The following ANO1 variants were observed in gnomAD, a reference collection of about 807,000 sequenced individuals.
ANO1 encodes the protein anoctamin 1.
ANO1 carries 59 observed loss-of-function variants against 124.0 expected under a neutral mutation model. The observed-to-expected ratio is 0.48, with a 90% CI of 0.39 to 0.59. The LOEUF (loss-of-function observed/expected upper bound fraction) is 0.59. ANO1 is among the 20% of genes least tolerant of loss of function. ANO1 has a pLI of 0.00. For missense variants in ANO1, 1,059 were observed against 1,328.0 expected (o/e 0.80, Z 3.15); for synonymous variants, 529 against 532.0 (o/e 0.99, Z 0.08).
At chr11:69,973,796 C>A in the ANO1 span, among the ~76,000 whole-genome samples, 1 of 150,462 alleles carries the variant, frequency 6.6e-6, no homozygotes, top group African/African-American at 2.4e-5. Context: ...GGCTTGAACC[C>A]GGGAGGTGGA....
At chr11:70,142,980 T>C (rs1002979679) in intron 11 of ANO1, among the ~76,000 whole-genome samples, 1 of 152,126 alleles carries the variant, frequency 6.6e-6, no homozygotes, top group African/African-American at 2.4e-5. Flanking sequence ...GGGTCAGGGC[T>C]TCCATGTGAA....
upstream of ANO1, chr11:70,075,089 C>T (rs1465096977): frequency 6.6e-6 from 1 of 152,208 alleles, no homozygotes; most frequent in Non-Finnish European, 1.5e-5. Context: ...TCTTGGTAAC[C>T]AGTCCCTGTG....
chr11:70,008,663 G>A lies in ANO1; in HGVS notation c.58+22497G>A, dbSNP rs782008809. 4.7e-5 allele frequency among the ~76,000 whole-genome samples: 7 copies of A among 149,932 alleles called. No individual in the cohort carries two copies. In the East Asian group the frequency reaches 5.8e-4, roughly 13 times the overall value. ...TTTAGCTCTTTTTTTTTTTTAAGGC[G>A]TGATATTTGCCTTCATCTTTGGCAA... On this transcript the variant is annotated intron_variant, in intron 1 of 27. Transcript: ENST00000531349.
chr11:70,150,631 C>T (rs752555471), intron 12 of ANO1, among the ~76,000 whole-genome samples: 1 of 152,204 alleles, frequency 6.6e-6, no homozygotes, highest in Non-Finnish European at 1.5e-5. Flanking sequence ...ACCTCCCGGG[C>T]TCAAGCCCTC....
At chr11:70,093,726 C>T (rs920084859) in intron 2 of ANO1, among the ~76,000 whole-genome samples, 3 of 152,220 alleles carry the variant, frequency 2.0e-5, no homozygotes, top group African/African-American at 7.2e-5. Flanking sequence ...GTGGGGCTGT[C>T]CCCGCAGCAG....
intron 1 of ANO1, among the ~76,000 whole-genome samples, chr11:70,021,605 A>G (rs529643028): frequency 6.6e-6 from 1 of 152,240 alleles, no homozygotes; most frequent in South Asian, 2.1e-4. Flanking sequence ...AAGCGGCCTC[A>G]TTATTTTTAA....
intron 1 of ANO1, among the ~76,000 whole-genome samples, chr11:70,020,056 G>C (rs1399528868): frequency 3.3e-5 from 5 of 152,256 alleles, no homozygotes; most frequent in Non-Finnish European, 7.3e-5. Context: ...AGGGCAGGGA[G>C]GTCAGGCTTG....
chr11:70,032,299 G>C (rs1361700664), intron 1 of ANO1, among the ~76,000 whole-genome samples: 1 of 152,140 alleles, frequency 6.6e-6, no homozygotes, highest in Non-Finnish European at 1.5e-5. Context: ...GCTGGGAAGG[G>C]CCTGGCAAGT....
At chr11:70,044,541 C>G (rs1458099442) in intron 1 of ANO1, among the ~76,000 whole-genome samples, 4 of 151,832 alleles carry the variant, frequency 2.6e-5, no homozygotes, top group Non-Finnish European at 5.9e-5. Flanking sequence ...TCTATTAGTC[C>G]AAATGGAAAT....
intron 1 of ANO1, among the ~76,000 whole-genome samples, chr11:70,026,957 G>A (rs1555003304): frequency 6.6e-6 from 1 of 152,142 alleles, no homozygotes; most frequent in Non-Finnish European, 1.5e-5. Context: ...CTCTTCCTGG[G>A]ACACTTTTCC....
chr11:70,013,884 C>T (rs892336066), intron 1 of ANO1, among the ~76,000 whole-genome samples: 15 of 150,592 alleles, frequency 1.0e-4, no homozygotes, highest in African/African-American at 2.9e-4. Context: ...GCTCTAAAGG[C>T]TGGAAGTCTG....
intron 1 of ANO1, among the ~76,000 whole-genome samples, chr11:70,012,424 C>T (rs4980729): frequency 0.78 from 116,745 of 150,422 alleles, 45,466 homozygotes; most frequent in East Asian, 0.99. Flanking sequence ...CCACCCATTA[C>T]TCCATCCATC....
chr11:70,025,629 TTGATGATGGTGG>T (rs1224947108), intron 1 of ANO1, among the ~76,000 whole-genome samples: 1 of 119,824 alleles, frequency 8.3e-6, no homozygotes, highest in Non-Finnish European at 1.8e-5. Flanking sequence ...GATGATGGTG[TTGATGATGGTGG>T]TGGTGGTGAT....
At position 70,188,669 on chromosome 11, in the gene ANO1, C is replaced by T. The variant is rs1172798478; in HGVS notation, c.*665C>T. The T allele has an allele frequency of 6.6e-6, 1 of 152,368 alleles. No individual in the cohort carries two copies. Among genetic ancestry groups the T allele is most frequent in the Non-Finnish European group, 1.5e-5 (1 of 68,216 alleles). The allele number at this position is 152,368 out of a possible 1,614,324, so 9.4% of individuals were successfully genotyped here. ...CCCTGATTAAGCAGGAAACAGCACC[C>T]TTGGCGTCCCCAGCAGGCTCCCCAC... On this transcript the variant is annotated 3_prime_UTR_variant, in exon 26 of 26. Transcript: ENST00000355303.
At chr11:70,166,891 A>C (rs1033104574) in intron 20 of ANO1, among the ~76,000 whole-genome samples, 1 of 152,194 alleles carries the variant, frequency 6.6e-6, no homozygotes, top group African/African-American at 2.4e-5. Context: ...CATGCCTATA[A>C]TCCTAGTACT....
chr11:70,146,038 G>T (rs2047365390), intron 11 of ANO1, among the ~76,000 whole-genome samples: 1 of 151,164 alleles, frequency 6.6e-6, no homozygotes, highest in African/African-American at 2.4e-5. Context: ...TAACCTCTCT[G>T]TGCCCCCATT....
At chr11:70,000,210 G>A (rs1377145736) in intron 1 of ANO1, among the ~76,000 whole-genome samples, 1 of 152,098 alleles carries the variant, frequency 6.6e-6, no homozygotes, top group African/African-American at 2.4e-5. Flanking sequence ...CTTTTTGCCT[G>A]TAATTAGCTA....
intron 1 of ANO1, among the ~76,000 whole-genome samples, chr11:70,007,224 T>A (rs1277967689): frequency 6.6e-6 from 1 of 151,648 alleles, no homozygotes; most frequent in African/African-American, 2.4e-5. Flanking sequence ...TCGCATAATA[T>A]CCTCAAAGTT....
At chr11:70,126,356 C>G (rs976035404) in intron 10 of ANO1, among the ~76,000 whole-genome samples, 161 bp downstream of exon 10, 1 of 152,170 alleles carries the variant, frequency 6.6e-6, no homozygotes, top group African/African-American at 2.4e-5. Context: ...GGACATGGTT[C>G]GAAGCCATCT....
Sources: allele counts gnomAD v4.1 joint callset (sites outside exome capture counted in the v4.1 genomes callset), GRCh38; gene constraint gnomAD v4.1.1; transcripts MANE v1.5; gene names NCBI Gene and HGNC (gene_info 2026-07-23, HGNC 2026-07-21).